The following TACC2 variants were observed in gnomAD, a reference collection of about 807,000 sequenced individuals.
The protein encoded by TACC2 is transforming acidic coiled-coil-containing protein 2.
Under a neutral mutation model 227.3 loss-of-function variants are expected in TACC2, and 137 were observed. That is an observed-to-expected ratio of 0.60 (90% confidence interval 0.52 to 0.69). The LOEUF (loss-of-function observed/expected upper bound fraction) is 0.69. Among genes scored for constraint, TACC2 ranks in the 30% least tolerant of loss-of-function variants. The pLI, the probability that TACC2 is intolerant of heterozygous loss-of-function variation, is 0.00. For missense variants in TACC2, 3,470 were observed against 3,694.4 expected, an observed-to-expected ratio of 0.94 and a Z score of 1.57; for synonymous variants, 1,523 against 1,487.5, an observed-to-expected ratio of 1.02 and a Z score of -0.55.
intron 1 of TACC2, among the ~76,000 whole-genome samples, chr10:122,016,395 C>T (rs949494659): frequency 6.6e-6 from 1 of 151,890 alleles, no homozygotes; most frequent in Non-Finnish European, 1.5e-5. Flanking sequence ...GGCGAAACCC[C>T]GTCTCTACTA....
chr10:122,055,311 T>C lies in TACC2; in HGVS notation c.146+4761T>C, dbSNP rs561214097. 2.6e-3 allele frequency among the ~76,000 whole-genome samples: 387 copies of C among 151,516 alleles called. 2 individuals carry two copies. Among genetic ancestry groups the C allele is most frequent in the Admixed American group, 0.013 (202 of 15,216 alleles). On this transcript the variant is annotated intron_variant, in intron 3 of 22. Transcript: ENST00000369005. The stretch of plus-strand genomic sequence containing the variant: ...TACACGTGTGGGGTAGAGCACAGAG[T>C]GCACAGGCACAGTGAAAAACATGTT...
rs185220164 is a variant in TACC2 at position 122,141,885 on chromosome 10, C to T, written c.5700-1687C>T. ...AAAGCGAAGTTAGACTAGTAGTTTG[C>T]GTTTGTAAGTGGTCCATTTGCCGAT... On this transcript the variant is annotated intron_variant, in intron 6 of 22. Coordinates refer to ENST00000369005, the MANE Select transcript of TACC2 (RefSeq NM_206862.4). This position sits in a 1 kb window ranked among gnomAD's most constrained non-coding sequence, Gnocchi z 4.3. 6.1e-4 allele frequency among the ~76,000 whole-genome samples: 93 copies of T among 152,262 alleles called. No individual in the cohort carries two copies. Among genetic ancestry groups the T allele is most frequent in the Non-Finnish European group, 1.1e-3 (78 of 68,028 alleles).
At chr10:122,171,390 C>T (rs1018002848) in intron 7 of TACC2, among the ~76,000 whole-genome samples, 2 of 152,316 alleles carry the variant, frequency 1.3e-5, no homozygotes, top group African/African-American at 2.4e-5. Flanking sequence ...CAGGGTTTCC[C>T]GGAGCCCTAC....
rs536307199 is a variant in TACC2 at position 122,153,936 on chromosome 10, C to T, written c.5834+10230C>T. ...AGCAACCAACCTGTCTTCCTCCCTC[C>T]GGGCCCCCAATCACAAAAATAAACA... On this transcript the variant is annotated intron_variant, in intron 7 of 22. Transcript: ENST00000369005. 1.5e-4 allele frequency among the ~76,000 whole-genome samples: 23 copies of T among 152,280 alleles called. No homozygotes were observed. The South Asian group carries it at 4.1e-3, about 27-fold the overall frequency.
chr10:122,225,644 C>A (rs1327911618), intron 12 of TACC2, among the ~76,000 whole-genome samples: 1 of 152,178 alleles, frequency 6.6e-6, no homozygotes, highest in Admixed American at 6.5e-5. Flanking sequence ...GGGGAACTGT[C>A]GTGTGTTTTG....
At chr10:122,080,469 A>T (rs753364846) in intron 3 of TACC2, among the ~76,000 whole-genome samples, 3 of 152,022 alleles carry the variant, frequency 2.0e-5, no homozygotes, top group Non-Finnish European at 4.4e-5. Flanking sequence ...CCTGAGCTCA[A>T]GTGATCTGCC....
At chr10:122,101,774 G>A (rs1188005065) in intron 5 of TACC2, among the ~76,000 whole-genome samples, 4 of 126,320 alleles carry the variant, frequency 3.2e-5, no homozygotes, top group East Asian at 2.3e-4. Context: ...GAGTTTCACC[G>A]TGTTAGCCAG....
intron 22 of TACC2, among the ~76,000 whole-genome samples, chr10:122,253,473 GC>G (rs2096286505): frequency 6.6e-6 from 1 of 151,988 alleles, no homozygotes; most frequent in Non-Finnish European, 1.5e-5. Flanking sequence ...GCTCGCATCT[GC>G]CCCCCACCCC....
intron 3 of TACC2, among the ~76,000 whole-genome samples, chr10:122,070,094 G>A (rs370934517): frequency 1.8e-4 from 28 of 152,264 alleles, no homozygotes; most frequent in East Asian, 1.2e-3. Flanking sequence ...CTGGCAATGA[G>A]GATTTATTCT....
At position 122,087,399 on chromosome 10, in the gene TACC2, C is replaced by G; in HGVS notation, c.4899C>G (p.Ala1633=). The G allele has an allele frequency of 3.1e-6, 5 of 1,614,022 alleles. No homozygotes were observed. Among genetic ancestry groups the G allele is most frequent in the Non-Finnish European group, 4.2e-6 (5 of 1,180,038 alleles). ...GACATGTGCCAAGGTCCACGTGTGC[C>G]CCTTCTCCTCAGAGGGAGGTTTTGA... The part of the protein sequence containing the change: ...VPGHVPRSTC[A]PSPQREVLTV... Residue 1633 remains alanine (A), a synonymous_variant, in exon 4 of 23, where the codon GCC becomes GCG. Coordinates refer to ENST00000369005, the MANE Select transcript of TACC2 (RefSeq NM_206862.4).
chr10:122,097,787 A>G (rs2081622421), intron 5 of TACC2, among the ~76,000 whole-genome samples: 1 of 151,948 alleles, frequency 6.6e-6, no homozygotes, highest in African/African-American at 2.4e-5. Context: ...ATGAGATGAG[A>G]CACGGCACAC....
At chr10:122,189,100 A>G (rs1397034190) in intron 7 of TACC2, among the ~76,000 whole-genome samples, 1 of 152,132 alleles carries the variant, frequency 6.6e-6, no homozygotes, top group Non-Finnish European at 1.5e-5. Flanking sequence ...GAAGTGAAAG[A>G]TCAGTTTGTC....
intron 5 of TACC2, among the ~76,000 whole-genome samples, chr10:122,097,142 A>C (rs1172363788): frequency 2.6e-5 from 4 of 151,914 alleles, no homozygotes; most frequent in African/African-American, 9.7e-5. Flanking sequence ...CTTGGGCAAC[A>C]TAGTGAGACT....
intron 7 of TACC2, among the ~76,000 whole-genome samples, chr10:122,161,248 C>T (rs1309720662): frequency 6.6e-6 from 1 of 152,136 alleles, no homozygotes; most frequent in Non-Finnish European, 1.5e-5. Flanking sequence ...TCTCCTGGTT[C>T]TTGATTGTGT....
intron 3 of TACC2, among the ~76,000 whole-genome samples, chr10:122,066,422 C>G (rs755705375): frequency 6.6e-6 from 1 of 152,146 alleles, no homozygotes; most frequent in Non-Finnish European, 1.5e-5. Context: ...GTGTGCACCA[C>G]CACACCCAGC....
Position 122,143,710 on chromosome 10 carries a change from T to G in TACC2, c.5834+4T>G, listed in dbSNP as rs1482766296. ...ATCCGGCCAAGGACCTCAGCAGGTA[T>G]TGCGCAAGTCCCCCTCCACAGCACC... is the stretch of plus-strand genomic sequence containing the variant. On this transcript the variant is annotated splice_donor_region_variant and intron_variant, in intron 7 of 22. Coordinates refer to ENST00000369005, the MANE Select transcript of TACC2 (RefSeq NM_206862.4). The G allele has an allele frequency of 1.9e-6, 3 of 1,613,534 alleles. No individual in the cohort carries two copies. Among genetic ancestry groups the G allele is most frequent in the Non-Finnish European group, 2.5e-6 (3 of 1,179,666 alleles).
chr10:122,133,710 C>A (rs114216465), intron 6 of TACC2, among the ~76,000 whole-genome samples: 1,669 of 152,294 alleles, frequency 0.011, 29 homozygotes, highest in African/African-American at 0.036. Context: ...CTTCTCCCCA[C>A]GCTGAGAGAA....
At chr10:122,238,188 T>G in intron 18 of TACC2, 151 bp downstream of exon 18, 1 of 600,854 alleles carries the variant, frequency 1.7e-6, no homozygotes, top group Non-Finnish European at 2.9e-6. Context: ...TAAAAGTATT[T>G]TTACTCTATT....
Position 122,212,019 on chromosome 10 carries a change from T to A in TACC2, c.7283+311T>A, listed in dbSNP as rs560884976. Among the ~76,000 whole-genome samples, 4 of 152,352 alleles carry A rather than the reference T, an allele frequency of 2.6e-5. No individual in the cohort carries two copies. The South Asian group carries it at 8.3e-4, about 32-fold the overall frequency. ...TTCAACTCCAGAGCAATCTGGGAGATCCCATGGAAGGGGAAAGGTCCTTAG... is the reference window on the plus strand; with the variant it reads ...TTCAACTCCAGAGCAATCTGGGAGAACCCATGGAAGGGGAAAGGTCCTTAG... On this transcript the variant is annotated intron_variant, in intron 9 of 22. Coordinates refer to ENST00000369005, the MANE Select transcript of TACC2 (RefSeq NM_206862.4).
Sources: gnomAD v4.1 joint callset for allele counts (sites outside exome capture counted in the v4.1 genomes callset) on GRCh38, gnomAD v4.1.1 for gene constraint, Gnocchi (gnomAD v3.1) non-coding constraint, MANE v1.5 for transcripts, NCBI Gene and HGNC (gene_info 2026-07-23, HGNC 2026-07-21) for gene names.